Variants in TUT7 observed in about 807,000 individuals in gnomAD.
The protein encoded by TUT7 is terminal uridylyl transferase 7.
TUT7 carries 33 observed loss-of-function variants against 165.9 expected under a neutral mutation model. The observed-to-expected ratio is 0.20, with a 90% CI of 0.15 to 0.27. The LOEUF (loss-of-function observed/expected upper bound fraction) is 0.27. Ranked by LOEUF, TUT7 falls within the 10% of genes least tolerant of loss-of-function variation. TUT7 has a pLI of 1.00. For missense variants in TUT7, 1,338 were observed against 1,762.3 expected (o/e 0.76, Z 4.31); for synonymous variants, 552 against 608.1 (o/e 0.91, Z 1.36).
intron 14 of TUT7, among the ~76,000 whole-genome samples, chr9:86,321,046 T>TC (rs1237492678): frequency 6.6e-6 from 1 of 152,178 alleles, no homozygotes; most frequent in Non-Finnish European, 1.5e-5. Flanking sequence ...TGTCCAGGCT[T>TC]CAAGTAACTT....
At chr9:86,351,894 G>A (rs1832335036) in intron 2 of TUT7, among the ~76,000 whole-genome samples, 1 of 151,596 alleles carries the variant, frequency 6.6e-6, no homozygotes, top group African/African-American at 2.4e-5. Context: ...ATTTCATTTC[G>A]GTATATATCT....
chr9:86,346,352 A>G lies in TUT7; in HGVS notation c.649T>C (p.Leu217=), dbSNP rs372611104. Residue 217 remains leucine (L), a synonymous_variant, in exon 3 of 27, where the codon TTA becomes CTA. Transcript: ENST00000375963. ...SVLSTKELLG[L]QQAEERLKRD... ...TTCAGTCTCTCCTCAGCCTGCTGTA[A>G]GCCTAGCAGCTCCTTCGTTGAAAGT... 31 of 1,613,948 alleles carry G rather than the reference A, an allele frequency of 1.9e-5. No individual in the cohort carries two copies. The highest frequency in any genetic ancestry group is 1.7e-5 in the Non-Finnish European group (20 of 1,179,968).
At chr9:86,295,787 C>G (rs1032778364) in intron 26 of TUT7, among the ~76,000 whole-genome samples, 3 of 151,326 alleles carry the variant, frequency 2.0e-5, no homozygotes, top group Non-Finnish European at 4.4e-5. Context: ...TACAGCAACT[C>G]CAATTTTTCA....
intron 24 of TUT7, among the ~76,000 whole-genome samples, 170 bp downstream of exon 24, chr9:86,304,686 C>T (rs569148301): frequency 1.3e-5 from 2 of 152,262 alleles, no homozygotes; most frequent in East Asian, 1.9e-4. Context: ...ATGGCCTCTA[C>T]CCGGGGATGT....
chr9:86,334,623 G>GT (rs1309191931), intron 10 of TUT7, among the ~76,000 whole-genome samples: 2 of 151,966 alleles, frequency 1.3e-5, no homozygotes. Context: ...CGTTTGTTCA[G>GT]TTTTTTTTCT....
chr9:86,288,689 C>A lies in TUT7; in HGVS notation c.4476G>T (p.Gln1492His). The change falls in exon 27 of 27, where the codon CAG (glutamine) becomes CAT (histidine). Residue 1492 changes from glutamine to histidine, a missense_variant. Physicochemically the swap from Gln to His is conservative, Grantham distance 24 (BLOSUM62 0). Coordinates refer to ENST00000375963, the MANE Select transcript of TUT7 (RefSeq NM_024617.4). ...CATTTTCCTTCCCTCATGATTCCTG[C>A]TGGGTCCTCTTCGCTGAGGCTTTTC... ...TQGKASAKRT[Q>H]QES 6.2e-7 allele frequency: 1 copy of A among 1,613,846 alleles called. No individual in the cohort carries two copies. The highest frequency in any genetic ancestry group is 8.5e-7 in the Non-Finnish European group (1 of 1,179,834).
intron 9 of TUT7, among the ~76,000 whole-genome samples, chr9:86,337,887 A>T (rs1830958213): frequency 6.6e-6 from 1 of 152,202 alleles, no homozygotes; most frequent in African/African-American, 2.4e-5. Flanking sequence ...TCAGTTACAC[A>T]TTAAGCCAGT....
In TUT7 at chr9:86,345,746, G is replaced by A. The variant is rs377220747; in HGVS notation, c.742C>T (p.Leu248Phe). The A allele has an allele frequency of 1.2e-6, 2 of 1,613,558 alleles. No individual in the cohort carries two copies. Among genetic ancestry groups the A allele is most frequent in the Non-Finnish European group, 1.7e-6 (2 of 1,179,732 alleles). ...ATGGATTCAATTAAAACATCACAGA[G>A]TCTGCAGGTGTACTTTGCTGTAGGG... is the stretch of plus-strand genomic sequence containing the variant. ...NYPTAKYTCR[L>F]CDVLIESIAF... Residue 248 changes from leucine (L) to phenylalanine (F), a missense_variant, in exon 4 of 27, where the codon CTC becomes TTC. Physicochemically the swap from Leu to Phe is conservative, Grantham distance 22 (BLOSUM62 0). Around this residue, in one of 7 missense-constraint regions of TUT7, gnomAD observed 434 missense variants for 480.8 expected, o/e 0.90. Transcript: ENST00000375963.
At position 86,323,216 on chromosome 9, in the gene TUT7, T is replaced by G; in HGVS notation, c.2534A>C (p.Asp845Ala). 6.2e-7 allele frequency: 1 copy of G among 1,614,116 alleles called. No homozygotes were observed. Among genetic ancestry groups the G allele is most frequent in the African/African-American group, 1.3e-5 (1 of 75,044 alleles). Residue 845 changes from aspartate (D) to alanine (A), a missense_variant, in exon 13 of 27, where the codon GAT becomes GCT. Physicochemically the swap from Asp to Ala is moderately radical, Grantham distance 126. Around this residue, in one of 7 missense-constraint regions of TUT7, gnomAD observed 425 missense variants for 474.9 expected, o/e 0.89. Coordinates refer to ENST00000375963, the MANE Select transcript of TUT7 (RefSeq NM_024617.4). ...TTCTTCGTCGTCCTCCTCCTCTTCA[T>G]CAGAGGGAATCATTTCTGATGTCTG... ...QGQTSEMIPS[D>A]EEEEDDEEEE...
chr9:86,328,171 T>C (rs1002489128), intron 11 of TUT7, among the ~76,000 whole-genome samples, 169 bp downstream of exon 11: 4 of 151,996 alleles, frequency 2.6e-5, no homozygotes, highest in African/African-American at 9.7e-5. Flanking sequence ...TGATCTAATA[T>C]TTTTTTTAAC....
chr9:86,345,652 G>C lies in TUT7; in HGVS notation c.819+17C>G, dbSNP rs1489711974. ...ACTAACAAGTAAGCAGACTTGTTTG[G>C]GTTACATTCAATTTACCTTAATGTT... is the stretch of plus-strand genomic sequence containing the variant. On this transcript the variant is annotated intron_variant, in intron 4 of 26. Coordinates refer to ENST00000375963, the MANE Select transcript of TUT7 (RefSeq NM_024617.4). 7 of 1,557,002 alleles carry C rather than the reference G, an allele frequency of 4.5e-6. No homozygotes were observed. Among genetic ancestry groups the C allele is most frequent in the Non-Finnish European group, 5.3e-6 (6 of 1,130,172 alleles).
At position 86,353,247 on chromosome 9, in the gene TUT7, T is replaced by TG; in HGVS notation, c.-31-18dup. 1 of 1,511,700 alleles carries TG rather than the reference T, an allele frequency of 6.6e-7. No individual in the cohort carries two copies. Among genetic ancestry groups the TG allele is most frequent in the South Asian group, 1.4e-5 (1 of 73,856 alleles). The allele number at this position is 1,511,700 out of a possible 1,614,324, so 93.6% of individuals were successfully genotyped here. On this transcript the variant is annotated splice_polypyrimidine_tract_variant and intron_variant, in intron 1 of 26. Coordinates refer to ENST00000375963, the MANE Select transcript of TUT7 (RefSeq NM_024617.4). ...ACTTTGCACCTGAAAGAAGGTATTT[T>TG]GGGGAAATATCAAACTATATAACAA...
intron 17 of TUT7, among the ~76,000 whole-genome samples, chr9:86,314,232 C>T (rs1217228417): frequency 2.6e-5 from 4 of 152,168 alleles, no homozygotes; most frequent in Non-Finnish European, 5.9e-5. Flanking sequence ...TCTTCACATC[C>T]TTCCCATTCT....
Position 86,304,206 on chromosome 9 carries a change from G to A in TUT7, c.3978+650C>T, listed in dbSNP as rs528852706. Among the ~76,000 whole-genome samples the A allele has an allele frequency of 4.6e-5, 7 of 152,170 alleles. No individual in the cohort carries two copies. The South Asian group carries it at 1.2e-3, about 27-fold the overall frequency. On this transcript the variant is annotated intron_variant, in intron 24 of 26. Coordinates refer to ENST00000375963, the MANE Select transcript of TUT7 (RefSeq NM_024617.4). ...CCATATACATGTATCAAATCATCAC[G>A]TTGTGCTCCATAAACTGTATGTCAA...
In TUT7 at chr9:86,322,995, G is replaced by A; in HGVS notation, c.2755C>T (p.Leu919Phe). The A allele has an allele frequency of 6.2e-7, 1 of 1,614,022 alleles. No homozygotes were observed. Among genetic ancestry groups the A allele is most frequent in the African/African-American group, 1.3e-5 (1 of 74,986 alleles). The change falls in exon 13 of 27, where the codon CTC becomes TTC. Residue 919 changes from leucine to phenylalanine, a missense_variant. By Grantham distance (22) the Leu-to-Phe change is conservative. Around this residue, in one of 7 missense-constraint regions of TUT7, gnomAD observed 425 missense variants for 474.9 expected, o/e 0.89. Transcript: ENST00000375963. ...CTTATTTTATTAAGTTCCACTAGGA[G>A]AGCTCTTTCTACATGTTTTCCACAT... ...KECGKHVERA[L>F]LVELNKISLK... is the part of the protein sequence containing the mutation.
intron 5 of TUT7, 137 bp from the exon 6 acceptor site, chr9:86,343,300 T>C: frequency 2.1e-6 from 1 of 486,164 alleles, no homozygotes; most frequent in Non-Finnish European, 3.4e-6. Flanking sequence ...AAGACTAGCA[T>C]AAACAAAGGA....
At chr9:86,303,339 A>G in intron 24 of TUT7, 138 bp from the exon 25 acceptor site, 3 of 495,314 alleles carry the variant, frequency 6.1e-6, no homozygotes, top group Non-Finnish European at 7.2e-6. Flanking sequence ...TATACTGCTT[A>G]ATTCCAAACA....
chr9:86,327,142 C>T (rs985628295), intron 11 of TUT7, among the ~76,000 whole-genome samples: 1 of 152,094 alleles, frequency 6.6e-6, no homozygotes, highest in African/African-American at 2.4e-5. Context: ...CACAAATAAA[C>T]CCCCCAGAAA....
At chr9:86,335,072 G>A (rs1486202801) in intron 10 of TUT7, among the ~76,000 whole-genome samples, 2 of 152,122 alleles carry the variant, frequency 1.3e-5, no homozygotes, top group African/African-American at 4.8e-5. Context: ...ACCATAAGTG[G>A]AACTTGACTT....
Sources: allele counts gnomAD v4.1 joint callset (sites outside exome capture counted in the v4.1 genomes callset), GRCh38; gene constraint gnomAD v4.1.1; regional missense constraint gnomAD v4.1.1; transcripts MANE v1.5; gene names NCBI Gene and HGNC (gene_info 2026-07-23, HGNC 2026-07-21).